The following KANSL1L variants were observed in gnomAD, a reference collection of about 807,000 sequenced individuals.
The protein encoded by KANSL1L is KAT8 regulatory NSL complex subunit 1 like.
In KANSL1L, 25 loss-of-function variants were observed where a neutral mutation model predicts 108.6. The ratio of observed to expected loss-of-function variants is 0.23; its 90% CI spans 0.17 to 0.32. KANSL1L has a LOEUF of 0.32. Among genes scored for constraint, KANSL1L ranks in the 10% least tolerant of loss-of-function variants. KANSL1L has a pLI of 1.00. For missense variants in KANSL1L, 1,137 were observed against 1,125.7 expected, an observed-to-expected ratio of 1.01 and a Z score of -0.14; for synonymous variants, 405 against 395.1, an observed-to-expected ratio of 1.03 and a Z score of -0.30.
intron 3 of KANSL1L, among the ~76,000 whole-genome samples, chr2:210,122,102 T>C (rs1055681075): frequency 1.3e-5 from 2 of 152,174 alleles, no homozygotes; most frequent in Non-Finnish European, 2.9e-5. Context: ...AAAATATCCA[T>C]AGTACCCAAC....
chr2:210,136,487 ATGTT>A (rs1455436364), intron 2 of KANSL1L, among the ~76,000 whole-genome samples: 1 of 152,232 alleles, frequency 6.6e-6, no homozygotes, highest in Non-Finnish European at 1.5e-5. Flanking sequence ...CTGTAAATAA[ATGTT>A]AAACTAATCA....
chr2:210,029,003 TG>T, intron 10 of KANSL1L, 34 bp from the exon 11 acceptor site: 1 of 1,560,724 alleles, frequency 6.4e-7, no homozygotes, highest in Non-Finnish European at 8.7e-7. Context: ...TTTACAGTAC[TG>T]TCTAGTTACT....
chr2:210,110,822 G>A (rs955238104), intron 3 of KANSL1L, among the ~76,000 whole-genome samples: 13 of 152,316 alleles, frequency 8.5e-5, no homozygotes, highest in African/African-American at 2.9e-4. Flanking sequence ...TCTGGGCTGG[G>A]TGCAGTGGCT....
chr2:210,092,223 G>C (rs1369558456), intron 5 of KANSL1L, among the ~76,000 whole-genome samples: 1 of 152,052 alleles, frequency 6.6e-6, no homozygotes, highest in Non-Finnish European at 1.5e-5. Flanking sequence ...TAATTTTTCA[G>C]TCACTCTCTC....
At chr2:210,048,408 C>T (rs953297288) in intron 6 of KANSL1L, among the ~76,000 whole-genome samples, 23 of 151,934 alleles carry the variant, frequency 1.5e-4, no homozygotes, top group South Asian at 4.1e-4. Context: ...GATCTTTCAA[C>T]GCAATTCTGT....
At chr2:210,141,170 TTTC>T (rs967876002) in intron 2 of KANSL1L, among the ~76,000 whole-genome samples, 8 of 92,264 alleles carry the variant, frequency 8.7e-5, no homozygotes, top group Non-Finnish European at 1.3e-4. Context: ...CTCTGTTTTC[TTTC>T]TTTTCTTTCT....
At chr2:210,118,088 C>T (rs1031976890) in intron 3 of KANSL1L, among the ~76,000 whole-genome samples, 50 of 149,516 alleles carry the variant, frequency 3.3e-4, no homozygotes, top group African/African-American at 1.2e-3. Context: ...ATCACTTGAA[C>T]CCAGGAGGCA....
intron 8 of KANSL1L, chr2:210,035,238 C>G (rs1046093283): frequency 1.3e-5 from 2 of 152,190 alleles, no homozygotes; most frequent in Admixed American, 1.3e-4. Flanking sequence ...TAACTTTGAA[C>G]ATTTTGGTAA....
chr2:210,160,522 T>C (rs1236438449), intron 1 of KANSL1L, among the ~76,000 whole-genome samples: 2 of 152,164 alleles, frequency 1.3e-5, no homozygotes, highest in Admixed American at 6.6e-5. Context: ...TATTTCTATA[T>C]GCTAGAAATA....
chr2:210,037,446 C>G (rs2094119004), intron 8 of KANSL1L, among the ~76,000 whole-genome samples: 1 of 152,142 alleles, frequency 6.6e-6, no homozygotes, highest in Non-Finnish European at 1.5e-5. Context: ...GAAATCGCAT[C>G]ATTAAAAGGT....
At chr2:210,071,313 G>C (rs995835810) in intron 6 of KANSL1L, among the ~76,000 whole-genome samples, 12 of 151,342 alleles carry the variant, frequency 7.9e-5, no homozygotes, top group African/African-American at 2.9e-4. Context: ...TGTCACCCAG[G>C]CTGGAGTGCA....
intron 3 of KANSL1L, among the ~76,000 whole-genome samples, chr2:210,126,062 A>G (rs946604987): frequency 2.6e-5 from 4 of 152,238 alleles, no homozygotes; most frequent in Non-Finnish European, 5.9e-5. Flanking sequence ...ATATAATCTT[A>G]TATGTAGAAA....
chr2:210,141,849 A>C (rs2125594215), intron 2 of KANSL1L, among the ~76,000 whole-genome samples: 1 of 152,268 alleles, frequency 6.6e-6, no homozygotes, highest in South Asian at 2.1e-4. Flanking sequence ...GGTGTATCCT[A>C]CTTATTGATT....
At chr2:210,048,671 GTTT>G (rs373719971) in intron 6 of KANSL1L, among the ~76,000 whole-genome samples, 3 of 151,108 alleles carry the variant, frequency 2.0e-5, no homozygotes, top group African/African-American at 7.3e-5. Context: ...GTATGGTTTT[GTTT>G]TTGTTTGTTC....
intron 3 of KANSL1L, among the ~76,000 whole-genome samples, chr2:210,109,259 C>T (rs1158725417): frequency 6.6e-6 from 1 of 152,092 alleles, no homozygotes; most frequent in East Asian, 1.9e-4. Context: ...TTTTATCTCC[C>T]TTACCAGAAT....
chr2:210,044,884 C>T lies in KANSL1L; in HGVS notation c.1756-780G>A, dbSNP rs2094207374. 6.6e-6 allele frequency among the ~76,000 whole-genome samples: 1 copy of T among 152,148 alleles called. No individual in the cohort carries two copies. Among genetic ancestry groups the T allele is most frequent in the Admixed American group, 6.5e-5 (1 of 15,282 alleles). ...TCCCGGGTTCAAGCGATTCTCCTGC[C>T]TCAGCCTCCTGAGTAACTGGGATTA... On this transcript the variant is annotated intron_variant, in intron 6 of 14. Transcript: ENST00000281772. The surrounding 1 kb of genome is among the most constrained non-coding windows in gnomAD (Gnocchi z 4.2).
chr2:210,116,421 C>T (rs148231385), intron 3 of KANSL1L, among the ~76,000 whole-genome samples: 1 of 152,274 alleles, frequency 6.6e-6, no homozygotes, highest in African/African-American at 2.4e-5. Context: ...AGACGATAGC[C>T]AGGTAGTGGT....
chr2:210,073,488 G>A (rs561138342), intron 6 of KANSL1L, among the ~76,000 whole-genome samples: 13 of 151,472 alleles, frequency 8.6e-5, no homozygotes, highest in African/African-American at 2.9e-4. Flanking sequence ...TTGAGCCCAG[G>A]AGTTCAAGAC....
At chr2:210,065,251 A>C (rs1463054009) in intron 6 of KANSL1L, among the ~76,000 whole-genome samples, 1 of 126,002 alleles carries the variant, frequency 7.9e-6, no homozygotes, top group Non-Finnish European at 1.6e-5. Context: ...AGATCGCACC[A>C]CTGTACTCCA....
Sources: allele counts gnomAD v4.1 joint callset (sites outside exome capture counted in the v4.1 genomes callset), GRCh38; gene constraint gnomAD v4.1.1; non-coding constraint Gnocchi (gnomAD v3.1); transcripts MANE v1.5; gene names NCBI Gene and HGNC (gene_info 2026-07-23, HGNC 2026-07-21).